The following TTLL7 variants were observed in gnomAD, a reference collection of about 807,000 sequenced individuals.
The protein encoded by TTLL7 is tubulin polyglutamylase TTLL7.
Under a neutral mutation model 120.2 loss-of-function variants are expected in TTLL7, and 53 were observed. The ratio of observed to expected loss-of-function variants is 0.44; its 90% CI spans 0.35 to 0.55. The LOEUF (loss-of-function observed/expected upper bound fraction) is 0.55. TTLL7 is among the 20% of genes least tolerant of loss of function. TTLL7 has a pLI of 0.00. For missense variants in TTLL7, 803 were observed against 1,054.7 expected, an observed-to-expected ratio of 0.76 and a Z score of 3.31; for synonymous variants, 353 against 351.7, an observed-to-expected ratio of 1.00 and a Z score of -0.04.
chr1:83,944,353 C>T (rs1438020054), intron 6 of TTLL7, among the ~76,000 whole-genome samples: 1 of 152,146 alleles, frequency 6.6e-6, no homozygotes, highest in African/African-American at 2.4e-5. Flanking sequence ...TATCAAGATA[C>T]ATTATATACA....
intron 19 of TTLL7, among the ~76,000 whole-genome samples, chr1:83,888,546 G>C (rs1655162557): frequency 6.6e-6 from 1 of 151,972 alleles, no homozygotes; most frequent in African/African-American, 2.4e-5. Flanking sequence ...AGTCTGTTAA[G>C]GTTTTACAGA....
At chr1:83,883,187 A>G (rs1654665747) in intron 19 of TTLL7, 51 bp from the exon 20 acceptor site, 1 of 1,475,056 alleles carries the variant, frequency 6.8e-7, no homozygotes, top group Non-Finnish European at 9.1e-7. Context: ...AAAAATGACA[A>G]CCAGCTATAT....
At chr1:83,925,433 T>C (rs1039998359) in intron 10 of TTLL7, among the ~76,000 whole-genome samples, 4 of 152,100 alleles carry the variant, frequency 2.6e-5, no homozygotes, top group Non-Finnish European at 4.4e-5. Context: ...TCGGAATAAA[T>C]GGTTGTTGAA....
At chr1:83,954,067 G>A (rs183785583) in intron 1 of TTLL7, among the ~76,000 whole-genome samples, 414 of 152,178 alleles carry the variant, frequency 2.7e-3, no homozygotes, top group African/African-American at 9.5e-3. Context: ...GTAACTATTT[G>A]AGTTTACAAG....
intron 1 of TTLL7, among the ~76,000 whole-genome samples, chr1:83,974,644 G>A (rs1651298074): frequency 6.6e-6 from 1 of 151,904 alleles, no homozygotes; most frequent in South Asian, 2.1e-4. Flanking sequence ...GCTATTTGTT[G>A]GTTAATGTTC....
At chr1:83,894,929 C>T (rs953495226) in intron 18 of TTLL7, among the ~76,000 whole-genome samples, 12 of 152,040 alleles carry the variant, frequency 7.9e-5, no homozygotes, top group African/African-American at 2.9e-4. Flanking sequence ...ATTTGGAGGG[C>T]ATGGAACAAC....
intron 3 of TTLL7, among the ~76,000 whole-genome samples, chr1:83,950,285 C>T (rs1648919963): frequency 6.6e-6 from 1 of 152,144 alleles, no homozygotes; most frequent in African/African-American, 2.4e-5. Flanking sequence ...AAAACACACA[C>T]AGCTGAGACA....
At chr1:83,922,061 G>A (rs1658716838) in intron 10 of TTLL7, among the ~76,000 whole-genome samples, 1 of 152,018 alleles carries the variant, frequency 6.6e-6, no homozygotes, top group South Asian at 2.1e-4. Flanking sequence ...CGTAGCTGGT[G>A]AAATAACACA....
At chr1:83,912,539 T>C (rs556090306) in intron 14 of TTLL7, 1 of 152,158 alleles carries the variant, frequency 6.6e-6, no homozygotes, top group Non-Finnish European at 1.5e-5. Flanking sequence ...GATGTTAGCA[T>C]ACACTATAAT....
rs916988746 is a variant in TTLL7, at chr1:83,935,469, A to G, written c.889-1703T>C. Among the ~76,000 whole-genome samples, 3 of 152,152 alleles carry G rather than the reference A, an allele frequency of 2.0e-5. No homozygotes were observed. The South Asian group carries it at 6.2e-4, about 31-fold the overall frequency. On this transcript the variant is annotated intron_variant, in intron 8 of 20. Coordinates refer to ENST00000260505, the MANE Select transcript of TTLL7 (RefSeq NM_024686.6). ...ACTACTGTTTTTGAGAATTTACAACATAATATCACTGCTTTAAAACGTGAT... is the reference window on the plus strand; with the variant it reads ...ACTACTGTTTTTGAGAATTTACAACGTAATATCACTGCTTTAAAACGTGAT...
rs149303800 is a variant in TTLL7 at position 83,937,665 on chromosome 1, T to C, written c.888+187A>G. ...AATGACAAAATCACCCAAGGATGCA[T>C]TTCTCAGAATGCATCGCTGTTGTTA... is the stretch of plus-strand genomic sequence containing the variant. On this transcript the variant is annotated intron_variant, in intron 8 of 20. Transcript: ENST00000260505. 7.2e-3 allele frequency among the ~76,000 whole-genome samples: 1,091 copies of C among 152,270 alleles called. 20 individuals carry two copies. The highest frequency in any genetic ancestry group is 0.025 in the African/African-American group (1,044 of 41,554).
intron 9 of TTLL7, among the ~76,000 whole-genome samples, chr1:83,930,643 T>C (rs1222893717): frequency 6.6e-6 from 1 of 152,200 alleles, no homozygotes; most frequent in Non-Finnish European, 1.5e-5. Context: ...ATACAACTAA[T>C]GACAGTGTTG....
intron 1 of TTLL7, among the ~76,000 whole-genome samples, chr1:83,954,875 A>C (rs1241119710): frequency 2.0e-5 from 3 of 152,090 alleles, no homozygotes; most frequent in Non-Finnish European, 4.4e-5. Context: ...AAAAAAAAAA[A>C]AAACCAGAAA....
intron 8 of TTLL7, among the ~76,000 whole-genome samples, chr1:83,936,170 G>A (rs111420502): frequency 5.4e-4 from 82 of 152,084 alleles, no homozygotes; most frequent in African/African-American, 1.6e-3. Flanking sequence ...AGTCTTGCTC[G>A]TTTACCTTCT....
At chr1:83,956,372 G>A (rs1029014690) in intron 1 of TTLL7, among the ~76,000 whole-genome samples, 6 of 149,652 alleles carry the variant, frequency 4.0e-5, no homozygotes, top group Non-Finnish European at 8.9e-5. Context: ...TTATCCTTTC[G>A]CCTCAGCCTT....
At chr1:83,965,343 G>C (rs1428667859) in intron 1 of TTLL7, among the ~76,000 whole-genome samples, 1 of 151,938 alleles carries the variant, frequency 6.6e-6, no homozygotes, top group Non-Finnish European at 1.5e-5. Flanking sequence ...GAAATCTGAT[G>C]GTTTTATAAG....
intron 6 of TTLL7, chr1:83,946,012 T>G (rs1571269717): frequency 2.0e-5 from 3 of 152,176 alleles, no homozygotes; most frequent in African/African-American, 4.8e-5. Context: ...GGTAGCTATA[T>G]TTCCAAATAT....
In TTLL7 at chr1:83,869,783, A is replaced by G. The variant is rs1653172802; in HGVS notation, c.*179T>C. ...CATTTTCTGCTAATTCTTCTTTCAT[A>G]TATCATTTAATATAATAAATATATG... On this transcript the variant is annotated 3_prime_UTR_variant, in exon 21 of 21. Transcript: ENST00000260505. 3 of 415,668 alleles carry G rather than the reference A, an allele frequency of 7.2e-6. No individual in the cohort carries two copies. Among genetic ancestry groups the G allele is most frequent in the African/African-American group, 2.1e-5 (1 of 48,010 alleles). The allele number at this position is 415,668 out of a possible 1,614,324, so 25.7% of individuals were successfully genotyped here. A position where few individuals can be genotyped will look rare whatever the true frequency, so the allele number is the denominator to read the frequency against.
chr1:83,973,880 T>C (rs1012710041), intron 1 of TTLL7, among the ~76,000 whole-genome samples: 4 of 151,900 alleles, frequency 2.6e-5, no homozygotes, highest in Non-Finnish European at 5.9e-5. Context: ...GGATGAGGGA[T>C]AATTATTTGG....
Sources: allele counts gnomAD v4.1 joint callset (sites outside exome capture counted in the v4.1 genomes callset), GRCh38; gene constraint gnomAD v4.1.1; transcripts MANE v1.5; gene names NCBI Gene and HGNC (gene_info 2026-07-23, HGNC 2026-07-21).